NHEJ1: variants seen among roughly 807,000 people sequenced by gnomAD.
The protein encoded by NHEJ1 is non-homologous end-joining factor 1.
NHEJ1 carries 22 observed loss-of-function variants against 39.4 expected under a neutral mutation model. The ratio of observed to expected loss-of-function variants is 0.56; its 90% CI spans 0.40 to 0.80. The LOEUF (loss-of-function observed/expected upper bound fraction) is 0.80, where lower values mean the gene tolerates loss of function less well. Among genes scored for constraint, NHEJ1 ranks in the 30% least tolerant of loss-of-function variants. The probability of loss-of-function intolerance (pLI) is 0.00; values close to 1 mark genes in which losing one functional copy is unlikely to be tolerated. For synonymous variants in NHEJ1, 154 were observed against 135.6 expected (o/e 1.14, Z -0.94); for missense variants, 329 against 357.1 (o/e 0.92, Z 0.63).
chr2:219,077,388 A>T, intron 6 of NHEJ1, 24 bp from the exon 7 acceptor site: 1 of 1,540,176 alleles, frequency 6.5e-7, no homozygotes, highest in Non-Finnish European at 9.0e-7. Context: ...GATCAAGAGA[A>T]GATAGTGATA....
At chr2:219,144,817 T>C (rs1029197908) in intron 5 of NHEJ1, among the ~76,000 whole-genome samples, 5 of 152,188 alleles carry the variant, frequency 3.3e-5, no homozygotes, top group African/African-American at 1.2e-4. Context: ...CCTTGATACC[T>C]AAACTTATAG....
chr2:219,087,021 G>A (rs759575040), intron 5 of NHEJ1, among the ~76,000 whole-genome samples: 1 of 152,026 alleles, frequency 6.6e-6, no homozygotes, highest in Non-Finnish European at 1.5e-5. Flanking sequence ...TTTCCTGGGG[G>A]GGACGGATCC....
intron 1 of NHEJ1, among the ~76,000 whole-genome samples, chr2:219,159,566 T>TATATATGCATATATATAC: frequency 1.7e-4 from 3 of 17,680 alleles, no homozygotes; most frequent in East Asian, 2.5e-3. Flanking sequence ...TATATATGCA[T>TATATATGCATATATATAC]ATATATATGC....
chr2:219,125,473 C>T (rs1442041572), intron 5 of NHEJ1: 1 of 152,630 alleles, frequency 6.6e-6, no homozygotes, highest in Non-Finnish European at 1.5e-5. Flanking sequence ...TCACTGACCT[C>T]CACACACACT....
In NHEJ1 at chr2:219,099,039, G is replaced by A. The variant is rs115899169; in HGVS notation, c.589-20833C>T. On this transcript the variant is annotated intron_variant, in intron 5 of 7. Transcript: ENST00000356853. ...ATGAAAAGGAAGGTAAGGTCAATGG[G>A]CTGGAGCTCTCTGTAGGATTAAAGG... 2.0e-3 allele frequency among the ~76,000 whole-genome samples: 304 copies of A among 152,272 alleles called. 1 individual carries two copies. Among genetic ancestry groups the A allele is most frequent in the African/African-American group, 7.0e-3 (290 of 41,526 alleles).
intron 3 of NHEJ1, 57 bp from the exon 4 acceptor site, chr2:219,147,852 C>T: frequency 6.3e-7 from 1 of 1,579,888 alleles, no homozygotes. Context: ...CTTTCCAATT[C>T]AGTATTAGGT....
intron 5 of NHEJ1, among the ~76,000 whole-genome samples, chr2:219,084,256 C>T (rs774719141): frequency 1.6e-4 from 25 of 152,166 alleles, no homozygotes; most frequent in Non-Finnish European, 2.9e-4. Context: ...ATCCACCCGC[C>T]TTGGCCTCCC....
chr2:219,107,677 T>C (rs1002315802), intron 5 of NHEJ1, among the ~76,000 whole-genome samples: 1 of 152,100 alleles, frequency 6.6e-6, no homozygotes, highest in Non-Finnish European at 1.5e-5. Flanking sequence ...CCACCATACC[T>C]TAAATTAGTG....
chr2:219,107,109 G>C (rs1949320807), intron 5 of NHEJ1, among the ~76,000 whole-genome samples: 1 of 152,180 alleles, frequency 6.6e-6, no homozygotes, highest in South Asian at 2.1e-4. Flanking sequence ...GAGAAAAAAG[G>C]TAAGTATGTG....
At chr2:219,133,936 T>C (rs1426414771) in intron 5 of NHEJ1, among the ~76,000 whole-genome samples, 1 of 152,252 alleles carries the variant, frequency 6.6e-6, no homozygotes, top group Admixed American at 6.5e-5. Context: ...CATAAGTTTT[T>C]CCTTTTCCGC....
At position 219,092,542 on chromosome 2, in the gene NHEJ1, T is replaced by C. The variant is rs531820658; in HGVS notation, c.589-14336A>G. Among the ~76,000 whole-genome samples the C allele has an allele frequency of 1.1e-4, 17 of 152,328 alleles. No individual in the cohort carries two copies. The East Asian group carries it at 2.3e-3, about 21-fold the overall frequency. Reference sequence around the variant, plus strand: ...GTGATTTCTACTGGTGACAGATACTTCTAATATACAGTGTCTTTTGCTTAC... The same window carrying C: ...GTGATTTCTACTGGTGACAGATACTCCTAATATACAGTGTCTTTTGCTTAC... On this transcript the variant is annotated intron_variant, in intron 5 of 7. Coordinates refer to ENST00000356853, the MANE Select transcript of NHEJ1 (RefSeq NM_024782.3).
Position 219,080,243 on chromosome 2 carries a change from T to C in NHEJ1, c.589-2037A>G, listed in dbSNP as rs577680998. Among the ~76,000 whole-genome samples the C allele has an allele frequency of 2.6e-4, 40 of 152,254 alleles. 1 individual carries two copies. The highest frequency in any genetic ancestry group is 7.7e-4 in the African/African-American group (32 of 41,542). ...TGCTAGAATTGTCGAATACTTAATA[T>C]ATGCTAGACATGGCCGGGCATGGTG... On this transcript the variant is annotated intron_variant, in intron 5 of 7. Coordinates refer to ENST00000356853, the MANE Select transcript of NHEJ1 (RefSeq NM_024782.3).
chr2:219,123,044 G>T (rs1949486031), intron 5 of NHEJ1, among the ~76,000 whole-genome samples: 1 of 152,166 alleles, frequency 6.6e-6, no homozygotes, highest in Admixed American at 6.5e-5. Flanking sequence ...TAGCTACCCA[G>T]GCAGGAATCC....
chr2:219,111,927 C>A lies in NHEJ1; in HGVS notation c.589-33721G>T, dbSNP rs1559193783. Among the ~76,000 whole-genome samples the A allele has an allele frequency of 6.6e-6, 1 of 152,068 alleles. No homozygotes were observed. The highest frequency in any genetic ancestry group is 1.5e-5 in the Non-Finnish European group (1 of 68,020). On this transcript the variant is annotated intron_variant, in intron 5 of 7. Transcript: ENST00000356853. The surrounding 1 kb of genome is among the most constrained non-coding windows in gnomAD (Gnocchi z 4.1). ...GGGGTGGGGGGATGAATGAGAGGGG[C>A]AGGAGACATTTTAAACACTCTCTTA... is the stretch of plus-strand genomic sequence containing the variant.
At chr2:219,088,836 G>C (rs3100782) in intron 5 of NHEJ1, among the ~76,000 whole-genome samples, 1 of 151,966 alleles carries the variant, frequency 6.6e-6, no homozygotes, top group Non-Finnish European at 1.5e-5. Context: ...TTTTTGAGAC[G>C]GAGTCTCACT....
rs1318233666 is a variant in NHEJ1 at position 219,153,700 on chromosome 2, G to GA, written c.390+3771_390+3772insT. ...AAAGAAAAAGAAAGAAAAGGGGGGG[G>GA]GGGTGGAGAGAGAGAGAGAGAGCAA... On this transcript the variant is annotated intron_variant, in intron 3 of 7. Coordinates refer to ENST00000356853, the MANE Select transcript of NHEJ1 (RefSeq NM_024782.3). 4.7e-5 allele frequency among the ~76,000 whole-genome samples: 6 copies of GA among 126,414 alleles called. 1 individual carries two copies. Among genetic ancestry groups the GA allele is most frequent in the Non-Finnish European group, 1.1e-4 (6 of 55,428 alleles). The allele number at this position is 126,414 out of a possible 152,430, so 82.9% of individuals were successfully genotyped here.
At chr2:219,100,743 G>C (rs956538299) in intron 5 of NHEJ1, among the ~76,000 whole-genome samples, 1 of 152,162 alleles carries the variant, frequency 6.6e-6, no homozygotes, top group South Asian at 2.1e-4. Flanking sequence ...AGCCAGACAG[G>C]GTTGAGGAAA....
At chr2:219,104,935 G>A (rs991010170) in intron 5 of NHEJ1, among the ~76,000 whole-genome samples, 3 of 152,158 alleles carry the variant, frequency 2.0e-5, no homozygotes, top group African/African-American at 7.2e-5. Flanking sequence ...GCCATGAAGA[G>A]ACCATGGGTA....
intron 5 of NHEJ1, among the ~76,000 whole-genome samples, chr2:219,107,315 T>A (rs1333059753): frequency 2.0e-5 from 3 of 152,134 alleles, no homozygotes; most frequent in Admixed American, 6.5e-5. Flanking sequence ...TGAAACCAAT[T>A]TATGGTTTAC....
Sources: allele counts gnomAD v4.1 joint callset (sites outside exome capture counted in the v4.1 genomes callset), GRCh38; gene constraint gnomAD v4.1.1; non-coding constraint Gnocchi (gnomAD v3.1); transcripts MANE v1.5; gene names NCBI Gene and HGNC (gene_info 2026-07-23, HGNC 2026-07-21).